Variants in MNAT1 observed in about 807,000 individuals in gnomAD.
The protein encoded by MNAT1 is CDK-activating kinase assembly factor MAT1.
In MNAT1, 43 loss-of-function variants were observed where a neutral mutation model predicts 42.0. That is an observed-to-expected ratio of 1.02 (90% CI 0.80 to 1.32). MNAT1 has a LOEUF of 1.32. Among genes scored for constraint, MNAT1 ranks in the 40% most tolerant of loss-of-function variants. The pLI, the probability that MNAT1 is intolerant of heterozygous loss-of-function variation, is 0.00. For missense variants in MNAT1, 306 were observed against 350.4 expected (o/e 0.87, Z 1.01); for synonymous variants, 118 against 120.0 (o/e 0.98, Z 0.11).
intron 7 of MNAT1, among the ~76,000 whole-genome samples, chr14:60,887,116 T>C (rs2034692104): frequency 3.3e-5 from 5 of 152,196 alleles, no homozygotes; most frequent in Admixed American, 3.3e-4. Flanking sequence ...ATTGAGATGA[T>C]CATGTGGTTT....
chr14:60,843,405 G>A (rs1224488335), intron 6 of MNAT1, among the ~76,000 whole-genome samples: 1 of 152,018 alleles, frequency 6.6e-6, no homozygotes, highest in Non-Finnish European at 1.5e-5. Context: ...CAAGCTGCTG[G>A]GATTACAGGC....
chr14:60,909,417 G>C (rs1343424361), intron 7 of MNAT1, among the ~76,000 whole-genome samples: 1 of 152,100 alleles, frequency 6.6e-6, no homozygotes, highest in African/African-American at 2.4e-5. Context: ...GTCCTGAATG[G>C]TATTGCCTAG....
intron 1 of MNAT1, among the ~76,000 whole-genome samples, chr14:60,791,236 A>G (rs2031806096): frequency 6.6e-6 from 1 of 152,168 alleles, no homozygotes; most frequent in Non-Finnish European, 1.5e-5. Flanking sequence ...CAGAAGATTG[A>G]TTAGACATTA....
intron 6 of MNAT1, among the ~76,000 whole-genome samples, chr14:60,846,816 A>G (rs1232844600): frequency 2.0e-5 from 3 of 152,084 alleles, no homozygotes; most frequent in Admixed American, 1.3e-4. Context: ...ATTTTATTCT[A>G]TATTTGGGAA....
chr14:60,964,989 T>G (rs1182291360), intron 7 of MNAT1, among the ~76,000 whole-genome samples: 1 of 152,252 alleles, frequency 6.6e-6, no homozygotes, highest in African/African-American at 2.4e-5. Flanking sequence ...GTTTTATTTT[T>G]TATTGGCATT....
At chr14:60,929,806 T>A (rs2035848885) in intron 7 of MNAT1, among the ~76,000 whole-genome samples, 1 of 152,166 alleles carries the variant, frequency 6.6e-6, no homozygotes, top group African/African-American at 2.4e-5. Context: ...TTTTATATCT[T>A]TCCTGTCAAT....
chr14:60,750,295 C>T (rs2030021637), intron 1 of MNAT1, among the ~76,000 whole-genome samples: 2 of 151,216 alleles, frequency 1.3e-5, no homozygotes, highest in South Asian at 2.1e-4. Flanking sequence ...GGCGCGATCT[C>T]GGCTCACTGC....
At chr14:60,831,242 A>G (rs1015867213) in intron 6 of MNAT1, among the ~76,000 whole-genome samples, 2 of 151,964 alleles carry the variant, frequency 1.3e-5, no homozygotes, top group Non-Finnish European at 2.9e-5. Context: ...GGTTTGTTAC[A>G]TAGGTATACA....
chr14:60,937,934 G>A (rs2036039807), intron 7 of MNAT1, among the ~76,000 whole-genome samples: 1 of 152,120 alleles, frequency 6.6e-6, no homozygotes, highest in African/African-American at 2.4e-5. Context: ...TCTCCTTGAA[G>A]AGGTCCTTCA....
At chr14:60,843,279 C>G (rs1337359097) in intron 6 of MNAT1, among the ~76,000 whole-genome samples, 1 of 151,490 alleles carries the variant, frequency 6.6e-6, no homozygotes, top group Non-Finnish European at 1.5e-5. Context: ...TGCCTTTTTT[C>G]TTTTCTTTTG....
intron 1 of MNAT1, among the ~76,000 whole-genome samples, chr14:60,748,730 T>G (rs920973433): frequency 6.6e-6 from 1 of 152,178 alleles, no homozygotes; most frequent in African/African-American, 2.4e-5. Context: ...TAACAATGCC[T>G]TCTTCTAGAA....
At chr14:60,836,817 T>A (rs999488660) in intron 6 of MNAT1, among the ~76,000 whole-genome samples, 9 of 152,226 alleles carry the variant, frequency 5.9e-5, no homozygotes, top group Admixed American at 5.2e-4. Context: ...GGAACGTTTA[T>A]GTCTGCTGAA....
intron 7 of MNAT1, among the ~76,000 whole-genome samples, chr14:60,936,541 C>T (rs1446182900): frequency 6.6e-6 from 1 of 152,076 alleles, no homozygotes; most frequent in African/African-American, 2.4e-5. Flanking sequence ...CATGTCCCTA[C>T]AAAGGACATG....
At chr14:60,893,703 G>A (rs181199370) in intron 7 of MNAT1, among the ~76,000 whole-genome samples, 89 of 152,058 alleles carry the variant, frequency 5.9e-4, no homozygotes, top group Middle Eastern at 3.4e-3. Context: ...TTTAGTGTGA[G>A]GCCTGGAGTG....
At chr14:60,768,837 A>G (rs991658943) in intron 1 of MNAT1, among the ~76,000 whole-genome samples, 4 of 152,254 alleles carry the variant, frequency 2.6e-5, no homozygotes, top group Admixed American at 6.5e-5. Flanking sequence ...TCACCATGCC[A>G]TAATACACTT....
intron 3 of MNAT1, among the ~76,000 whole-genome samples, chr14:60,802,148 C>G (rs745886977): frequency 1.3e-5 from 2 of 151,918 alleles, no homozygotes; most frequent in Non-Finnish European, 2.9e-5. Context: ...GAAAGGGGAG[C>G]TGTATGGAGT....
At chr14:60,767,235 A>C (rs1166515806) in intron 1 of MNAT1, among the ~76,000 whole-genome samples, 3 of 152,224 alleles carry the variant, frequency 2.0e-5, no homozygotes, top group Non-Finnish European at 2.9e-5. Context: ...TATGTACAAG[A>C]AACCCTTGTG....
intron 6 of MNAT1, among the ~76,000 whole-genome samples, chr14:60,853,023 A>G (rs140941089): frequency 3.3e-5 from 5 of 152,218 alleles, no homozygotes; most frequent in Admixed American, 6.5e-5. Flanking sequence ...TGTCTTGGCT[A>G]TACAGGCTCT....
At chr14:60,925,153 A>G (rs1005088454) in intron 7 of MNAT1, among the ~76,000 whole-genome samples, 9 of 152,224 alleles carry the variant, frequency 5.9e-5, no homozygotes, top group South Asian at 2.1e-4. Flanking sequence ...TTCCCTAAAC[A>G]ATACACGACA....
Sources: allele counts gnomAD v4.1 joint callset (sites outside exome capture counted in the v4.1 genomes callset), GRCh38; gene constraint gnomAD v4.1.1; transcripts MANE v1.5; gene names NCBI Gene and HGNC (gene_info 2026-07-23, HGNC 2026-07-21).